RALGAPB: variants seen among roughly 807,000 people sequenced by gnomAD.
RALGAPB encodes the protein Ral GTPase activating protein non-catalytic subunit beta.
RALGAPB carries 25 observed loss-of-function variants against 161.1 expected under a neutral mutation model. The ratio of observed to expected loss-of-function variants is 0.16; its 90% CI spans 0.11 to 0.22. The LOEUF (loss-of-function observed/expected upper bound fraction) is 0.22, where lower values mean the gene tolerates loss of function less well. Ranked by LOEUF, RALGAPB falls within the 10% of genes least tolerant of loss-of-function variation. The pLI is 1.00. For missense variants in RALGAPB, 1,391 were observed against 1,815.2 expected, an observed-to-expected ratio of 0.77 and a Z score of 4.25; for synonymous variants, 629 against 626.1, an observed-to-expected ratio of 1.00 and a Z score of -0.07.
chr20:38,509,679 G>A (rs909912354), intron 6 of RALGAPB, among the ~76,000 whole-genome samples: 1 of 152,000 alleles, frequency 6.6e-6, no homozygotes, highest in Non-Finnish European at 1.5e-5. Context: ...TGCTGTCCCT[G>A]TCTTTTATAT....
intron 5 of RALGAPB, among the ~76,000 whole-genome samples, chr20:38,508,453 A>G (rs1028381506): frequency 2.6e-5 from 4 of 152,154 alleles, no homozygotes; most frequent in Non-Finnish European, 4.4e-5. Context: ...CACAGAGCAC[A>G]TGGATGGGCC....
At chr20:38,488,333 A>C (rs1400792626) in intron 1 of RALGAPB, 70 bp from the exon 2 acceptor site, 4 of 997,024 alleles carry the variant, frequency 4.0e-6, no homozygotes, top group Non-Finnish European at 6.0e-6. Context: ...TAGTCTATAC[A>C]TCTGTTTTAT....
intron 13 of RALGAPB, among the ~76,000 whole-genome samples, chr20:38,527,040 A>G (rs1194011310): frequency 6.6e-6 from 1 of 152,198 alleles, no homozygotes; most frequent in Admixed American, 6.5e-5. Flanking sequence ...AACCATGTGA[A>G]TGCAAATACC....
chr20:38,574,718 T>G (rs1015980540), intron 29 of RALGAPB, 56 bp from the exon 30 acceptor site: 16 of 1,478,544 alleles, frequency 1.1e-5, no homozygotes, highest in Non-Finnish European at 1.4e-5. Flanking sequence ...TACTTACAGT[T>G]CACCTACGTA....
chr20:38,493,145 T>A lies in RALGAPB; in HGVS notation c.389+13T>A. The A allele has an allele frequency of 1.9e-6, 3 of 1,567,562 alleles. No homozygotes were observed. The highest frequency in any genetic ancestry group is 2.6e-6 in the Non-Finnish European group (3 of 1,141,740). On this transcript the variant is annotated intron_variant, in intron 3 of 29. Transcript: ENST00000262879. Reference sequence around the variant, plus strand: ...TTTTTGTACCAAGGTAAGCTATACCTGTCTATCTGGCCCATTATCAGGGTC... The same window carrying A: ...TTTTTGTACCAAGGTAAGCTATACCAGTCTATCTGGCCCATTATCAGGGTC...
chr20:38,573,597 A>T (rs2088322936), intron 28 of RALGAPB: 1 of 152,102 alleles, frequency 6.6e-6, no homozygotes, highest in Non-Finnish European at 1.5e-5. Context: ...CGAGAAGGAC[A>T]TTTGCAGCTG....
intron 16 of RALGAPB, chr20:38,538,365 C>A: frequency 4.6e-6 from 1 of 219,176 alleles, no homozygotes. Context: ...CCCTGCCTGA[C>A]CACGTGAGCA....
At chr20:38,485,941 C>G (rs2085098889) in intron 1 of RALGAPB, among the ~76,000 whole-genome samples, 1 of 135,486 alleles carries the variant, frequency 7.4e-6, no homozygotes, top group African/African-American at 2.7e-5. Flanking sequence ...TTTAGTTCAG[C>G]TTTTTCATTG....
In RALGAPB at chr20:38,517,634, G is replaced by A. The variant is rs2086170054; in HGVS notation, c.1180G>A (p.Ala394Thr). 6.2e-6 allele frequency: 10 copies of A among 1,613,746 alleles called. No homozygotes were observed. The highest frequency in any genetic ancestry group is 3.3e-5 in the Admixed American group (2 of 59,946). Residue 394 changes from alanine to threonine, a missense_variant, in exon 8 of 30, where the codon GCC (alanine) becomes ACC (threonine). Physicochemically the swap from Ala to Thr is moderately conservative, Grantham distance 58 (BLOSUM62 0). Coordinates refer to ENST00000262879, the MANE Select transcript of RALGAPB (RefSeq NM_020336.4). ...RRHRAVTVNKATMKTSTVSTA... is the reference protein window; with the variant it reads ...RRHRAVTVNKTTMKTSTVSTA... ...GCACCGGGCTGTTACTGTGAATAAG[G>A]CCACCATGAAGACAAGCACAGTAAG...
At chr20:38,574,608 C>G (rs2088367232) in intron 29 of RALGAPB, among the ~76,000 whole-genome samples, 166 bp from the exon 30 acceptor site, 1 of 152,142 alleles carries the variant, frequency 6.6e-6, no homozygotes, top group Non-Finnish European at 1.5e-5. Context: ...TGTGTTTCTT[C>G]TGACAGTTTT....
At position 38,567,105 on chromosome 20, in the gene RALGAPB, T is replaced by C. The variant is rs1165567343; in HGVS notation, c.3827T>C (p.Leu1276Ser). The C allele has an allele frequency of 1.2e-6, 2 of 1,613,224 alleles. No individual in the cohort carries two copies. The highest frequency in any genetic ancestry group is 1.7e-6 in the Non-Finnish European group (2 of 1,179,482). ...PSPVESLTDS[L>S]ESNISDQDSD... is the part of the protein sequence containing the mutation. ...TTCCTTTACCCCATAGCTGATTCAT[T>C]GGAAAGTAACATCTCGGACCAAGAT... is the stretch of plus-strand genomic sequence containing the variant. The change falls in exon 26 of 30, where the codon TTG (leucine) becomes TCG (serine). Residue 1276 changes from leucine to serine, a missense_variant. Coordinates refer to ENST00000262879, the MANE Select transcript of RALGAPB (RefSeq NM_020336.4).
intron 5 of RALGAPB, among the ~76,000 whole-genome samples, chr20:38,504,575 C>T (rs888472785): frequency 6.6e-6 from 1 of 152,090 alleles, no homozygotes; most frequent in Non-Finnish European, 1.5e-5. Context: ...AAACAATCGA[C>T]AAGTGGTACC....
intron 2 of RALGAPB, among the ~76,000 whole-genome samples, chr20:38,490,272 G>A (rs2085240975): frequency 6.6e-6 from 1 of 151,544 alleles, no homozygotes. Context: ...GCAGTGGCAT[G>A]ATCTTGGCTC....
intron 6 of RALGAPB, among the ~76,000 whole-genome samples, chr20:38,511,182 C>A (rs998110350): frequency 4.6e-5 from 7 of 152,150 alleles, no homozygotes; most frequent in Admixed American, 2.0e-4. Context: ...CTCAGACACA[C>A]ACCACACTTA....
chr20:38,550,060 C>T (rs1012454591), intron 20 of RALGAPB, among the ~76,000 whole-genome samples: 45 of 152,038 alleles, frequency 3.0e-4, no homozygotes, highest in African/African-American at 8.9e-4. Context: ...AACCAAACAC[C>T]GCATATTCTC....
chr20:38,574,635 T>C, intron 29 of RALGAPB, 139 bp from the exon 30 acceptor site: 2 of 826,884 alleles, frequency 2.4e-6, no homozygotes, highest in Non-Finnish European at 3.9e-6. Flanking sequence ...GCACTATGTC[T>C]ATCTCTCTGG....
chr20:38,484,627 G>A (rs983240522), intron 1 of RALGAPB, among the ~76,000 whole-genome samples: 13 of 152,154 alleles, frequency 8.5e-5, no homozygotes, highest in Non-Finnish European at 1.6e-4. Flanking sequence ...GATTTTCTGT[G>A]TCTCTTCAAA....
chr20:38,479,581 T>C (rs970587835), intron 1 of RALGAPB, among the ~76,000 whole-genome samples: 2 of 152,136 alleles, frequency 1.3e-5, no homozygotes, highest in Non-Finnish European at 2.9e-5. Context: ...AATGAGTACA[T>C]ATAGAGTTGG....
chr20:38,483,919 A>G (rs1188437792), intron 1 of RALGAPB, among the ~76,000 whole-genome samples: 11 of 152,122 alleles, frequency 7.2e-5, no homozygotes, highest in Admixed American at 5.9e-4. Context: ...GGGCAGGCGC[A>G]GTGGCTCATG....
Sources: gnomAD v4.1 joint callset for allele counts (sites outside exome capture counted in the v4.1 genomes callset) on GRCh38, gnomAD v4.1.1 for gene constraint, MANE v1.5 for transcripts, NCBI Gene and HGNC (gene_info 2026-07-23, HGNC 2026-07-21) for gene names.